The following REV1 variants were observed in gnomAD, a reference collection of about 807,000 sequenced individuals.
The protein encoded by REV1 is translesion synthesis protein REV1.
A neutral mutation model predicts 137.4 loss-of-function variants in REV1; 42 were observed. That is an observed-to-expected ratio of 0.31 (90% CI 0.24 to 0.40). The LOEUF (loss-of-function observed/expected upper bound fraction) is 0.40. Among genes scored for constraint, REV1 ranks in the 10% least tolerant of loss-of-function variants. The pLI is 1.00. For synonymous variants in REV1, 524 were observed against 519.2 expected, an observed-to-expected ratio of 1.01 and a Z score of -0.12; for missense variants, 1,282 against 1,490.1, an observed-to-expected ratio of 0.86 and a Z score of 2.30.
intron 1 of REV1, among the ~76,000 whole-genome samples, chr2:99,467,698 CA>C (rs1221816592): frequency 6.6e-6 from 1 of 152,184 alleles, no homozygotes; most frequent in Non-Finnish European, 1.5e-5. Context: ...TGGAAGTAGA[CA>C]GACCAAACTT....
chr2:99,474,909 A>G (rs1375408096), intron 1 of REV1, among the ~76,000 whole-genome samples: 3 of 107,182 alleles, frequency 2.8e-5, no homozygotes, highest in Non-Finnish European at 6.1e-5. Flanking sequence ...TTCAAAAAAG[A>G]AAAAAAAAAA....
At chr2:99,471,123 T>C (rs908508012) in intron 1 of REV1, among the ~76,000 whole-genome samples, 15 of 136,792 alleles carry the variant, frequency 1.1e-4, no homozygotes, top group African/African-American at 3.7e-4. Flanking sequence ...CCACCCCTTA[T>C]CTAGGCAAGG....
At chr2:99,489,375 A>C (rs1687439860) in intron 1 of REV1, among the ~76,000 whole-genome samples, 1 of 152,088 alleles carries the variant, frequency 6.6e-6, no homozygotes, top group Non-Finnish European at 1.5e-5. Flanking sequence ...GAACGCCCGA[A>C]CGCGCGCGTG....
chr2:99,422,311 A>G (rs1306970034), intron 10 of REV1, among the ~76,000 whole-genome samples: 1 of 151,862 alleles, frequency 6.6e-6, no homozygotes, highest in Non-Finnish European at 1.5e-5. Context: ...GGAAGACAAG[A>G]GTTGCTATGT....
intron 3 of REV1, among the ~76,000 whole-genome samples, chr2:99,453,355 C>CAA (rs202156661): frequency 4.4e-4 from 56 of 126,996 alleles, no homozygotes; most frequent in Middle Eastern, 4.8e-3. Flanking sequence ...AAGACTGTCT[C>CAA]AAAAAAAAAA....
intron 3 of REV1, among the ~76,000 whole-genome samples, chr2:99,453,010 C>A (rs909468011): frequency 6.6e-6 from 1 of 152,132 alleles, no homozygotes; most frequent in African/African-American, 2.4e-5. Flanking sequence ...CAAAGGACTT[C>A]TGTGGGAATT....
At chr2:99,439,352 T>A (rs752560506) in intron 5 of REV1, 42 bp from the exon 6 acceptor site, 18 of 1,408,410 alleles carry the variant, frequency 1.3e-5, no homozygotes, top group Admixed American at 2.0e-5. Context: ...TATCTGACTT[T>A]TAGGTTAAAA....
chr2:99,408,320 G>A (rs1301988018), intron 14 of REV1, 189 bp from the exon 15 acceptor site: 3 of 378,920 alleles, frequency 7.9e-6, no homozygotes, highest in Middle Eastern at 6.7e-4. Flanking sequence ...TGGCAACCAA[G>A]GGGGAAAGAA....
chr2:99,469,562 CTCTG>C (rs983178584), intron 1 of REV1, among the ~76,000 whole-genome samples: 3 of 152,174 alleles, frequency 2.0e-5, no homozygotes, highest in African/African-American at 7.2e-5. Flanking sequence ...GGGAGAGCAG[CTCTG>C]TCTATGAGGA....
At chr2:99,471,889 T>TAAAAAAAA (rs947603744) in intron 1 of REV1, among the ~76,000 whole-genome samples, 1 of 93,424 alleles carries the variant, frequency 1.1e-5, no homozygotes, top group African/African-American at 4.0e-5. Context: ...TAGCTACTAT[T>TAAAAAAAA]AAAAAAAAAA....
chr2:99,465,053 T>C, intron 1 of REV1, 68 bp from the exon 2 acceptor site: 1 of 1,254,376 alleles, frequency 8.0e-7, no homozygotes, highest in Non-Finnish European at 1.1e-6. Context: ...ATATTTTATT[T>C]CAATATCAAG....
chr2:99,415,000 C>G (rs1294484666), intron 12 of REV1, among the ~76,000 whole-genome samples: 1 of 152,160 alleles, frequency 6.6e-6, no homozygotes, highest in African/African-American at 2.4e-5. Context: ...GTGGACATCC[C>G]TCTATGAAAG....
intron 15 of REV1, chr2:99,406,726 T>G (rs903730302): frequency 1.2e-5 from 4 of 328,056 alleles, no homozygotes; most frequent in South Asian, 1.4e-4. Flanking sequence ...TCCCAAAATA[T>G]ACCAAAAGAT....
chr2:99,470,602 C>T lies in REV1; in HGVS notation c.-10-5617G>A, dbSNP rs538528812. Among the ~76,000 whole-genome samples, 6 of 152,370 alleles carry T rather than the reference C, an allele frequency of 3.9e-5. No individual in the cohort carries two copies. In the South Asian group the frequency reaches 1.2e-3, roughly 32 times the overall value. On this transcript the variant is annotated intron_variant, in intron 1 of 22. Coordinates refer to ENST00000258428, the MANE Select transcript of REV1 (RefSeq NM_016316.4). The stretch of plus-strand genomic sequence containing the variant: ...AAGCGTTAGGTCATAGCCTGTTCCT[C>T]TTCCTTATTTGAAGGTGTTTTTACC...
At position 99,488,151 on chromosome 2, in the gene REV1, T is replaced by C. The variant is rs147516707; in HGVS notation, c.-11+1666A>G. ...ATCAAAGAAAGTGCTTTCAAATATA[T>C]ATTATATGTAGTCACTGCAACTTCT... is the stretch of plus-strand genomic sequence containing the variant. On this transcript the variant is annotated intron_variant, in intron 1 of 22. Coordinates refer to ENST00000258428, the MANE Select transcript of REV1 (RefSeq NM_016316.4). 1.7e-3 allele frequency among the ~76,000 whole-genome samples: 200 copies of C among 119,002 alleles called. 63 individuals are homozygous for C. Among genetic ancestry groups the C allele is most frequent in the Admixed American group, 4.0e-3 (37 of 9,346 alleles). The allele number at this position is 119,002 out of a possible 152,430, so 78.1% of individuals were successfully genotyped here. A position where few individuals can be genotyped will look rare whatever the true frequency, so the allele number is the denominator to read the frequency against.
Position 99,401,189 on chromosome 2 carries a change from C to T in REV1, c.*52G>A. On this transcript the variant is annotated 3_prime_UTR_variant, in exon 23 of 23. Transcript: ENST00000258428. ...ACTATCATGCACTTTGCAAATACCTCACAAGCACTTATGGCACAGCTATCA... is the reference window on the plus strand; with the variant it reads ...ACTATCATGCACTTTGCAAATACCTTACAAGCACTTATGGCACAGCTATCA... The T allele has an allele frequency of 1.8e-6, 2 of 1,139,882 alleles. No individual in the cohort carries two copies. The highest frequency in any genetic ancestry group is 2.7e-6 in the Non-Finnish European group (2 of 752,694). 70.6% of individuals were successfully genotyped at this position (1,139,882 alleles called of 1,614,324 possible). A position where few individuals can be genotyped will look rare whatever the true frequency, so the allele number is the denominator to read the frequency against.
chr2:99,442,264 A>AC, intron 5 of REV1, 53 bp downstream of exon 5: 1 of 1,364,362 alleles, frequency 7.3e-7, no homozygotes, highest in East Asian at 2.5e-5. Flanking sequence ...AAAAAAAAAA[A>AC]AAAAAAAAAA....
Position 99,439,117 on chromosome 2 carries a change from T to G in REV1, c.697A>C (p.Asn233His). 6.2e-7 allele frequency: 1 copy of G among 1,614,156 alleles called. No homozygotes were observed. The highest frequency in any genetic ancestry group is 8.5e-7 in the Non-Finnish European group (1 of 1,180,018). The part of the protein sequence containing the change: ...AIFNGHTPSS[N>H]GALKTQDCLV... ...CAATCCTGTGTCTTTAAGGCACCAT[T>G]AGAGCTAGGAGTGTGTCCATTAAAA... The change falls in exon 6 of 23, where the codon AAT (asparagine) becomes CAT (histidine). Residue 233 changes from asparagine to histidine, a missense_variant. Physicochemically the swap from Asn to His is moderately conservative, Grantham distance 68. Transcript: ENST00000258428.
chr2:99,436,306 T>C (rs1302310804), intron 6 of REV1, among the ~76,000 whole-genome samples: 1 of 152,228 alleles, frequency 6.6e-6, no homozygotes, highest in East Asian at 1.9e-4. Context: ...GTGACTACTA[T>C]TATCCAGTGC....
Sources: allele counts gnomAD v4.1 joint callset (sites outside exome capture counted in the v4.1 genomes callset), GRCh38; gene constraint gnomAD v4.1.1; transcripts MANE v1.5; gene names NCBI Gene and HGNC (gene_info 2026-07-23, HGNC 2026-07-21).